FRMD6: variants seen among roughly 807,000 people sequenced by gnomAD.
The protein encoded by FRMD6 is FERM domain-containing protein 6.
In FRMD6, 37 loss-of-function variants were observed where a neutral mutation model predicts 73.2. That is an observed-to-expected ratio of 0.51 (90% CI 0.39 to 0.66). The LOEUF (loss-of-function observed/expected upper bound fraction) is 0.66, where lower values mean the gene tolerates loss of function less well. Ranked by LOEUF, FRMD6 falls within the 30% of genes least tolerant of loss-of-function variation. FRMD6 has a pLI of 0.00. For synonymous variants in FRMD6, 273 were observed against 282.2 expected, an observed-to-expected ratio of 0.97 and a Z score of 0.33; for missense variants, 714 against 780.5, an observed-to-expected ratio of 0.91 and a Z score of 1.02.
chr14:51,563,997 A>G (rs1020779429), intron 1 of FRMD6, among the ~76,000 whole-genome samples: 2 of 152,200 alleles, frequency 1.3e-5, no homozygotes, highest in Non-Finnish European at 2.9e-5. Context: ...TACCATTTCT[A>G]AAGTTTTTAT....
At chr14:51,612,248 G>C (rs1278602063) in intron 2 of FRMD6, among the ~76,000 whole-genome samples, 1 of 151,948 alleles carries the variant, frequency 6.6e-6, no homozygotes, top group East Asian at 1.9e-4. Flanking sequence ...TCTCCATTTA[G>C]TCAACTCTAG....
intron 2 of FRMD6, among the ~76,000 whole-genome samples, chr14:51,588,133 T>G (rs1384577877): frequency 6.6e-6 from 1 of 152,178 alleles, no homozygotes; most frequent in African/African-American, 2.4e-5. Context: ...TTAAGTAATA[T>G]AGACATTTAA....
intron 2 of FRMD6, among the ~76,000 whole-genome samples, chr14:51,624,777 A>AT (rs2139943311): frequency 6.6e-6 from 1 of 152,272 alleles, no homozygotes; most frequent in African/African-American, 2.4e-5. Flanking sequence ...CCAGCACCAA[A>AT]TTTTTTATGC....
In FRMD6 at chr14:51,710,983, G is replaced by A. The variant is rs566800521; in HGVS notation, c.715-548G>A. Among the ~76,000 whole-genome samples the A allele has an allele frequency of 6.6e-5, 10 of 152,152 alleles. No individual in the cohort carries two copies. The South Asian group carries it at 1.5e-3, about 22-fold the overall frequency. On this transcript the variant is annotated intron_variant, in intron 7 of 13. Coordinates refer to ENST00000344768, the MANE Select transcript of FRMD6 (RefSeq NM_001267046.2). ...TATTTCCAAACTATCTGAATACACC[G>A]CTTGTACAGCTTTATTATCCTCATG...
chr14:51,437,674 T>C, the FRMD6 span, among the ~76,000 whole-genome samples: 6 of 152,194 alleles, frequency 3.9e-5, no homozygotes, highest in South Asian at 2.1e-4. Flanking sequence ...CCCTTTTTTT[T>C]CCTCTTGTGC....
the FRMD6 span, among the ~76,000 whole-genome samples, chr14:51,470,150 T>C: frequency 3.3e-5 from 5 of 152,326 alleles, no homozygotes; most frequent in South Asian, 1.0e-3. Context: ...TCCTTAGTGA[T>C]TTGTGTTTCT....
chr14:51,683,937 G>A (rs1373368127), intron 1 of FRMD6, among the ~76,000 whole-genome samples: 1 of 152,156 alleles, frequency 6.6e-6, no homozygotes, highest in Non-Finnish European at 1.5e-5. Context: ...CCAGAGCAAT[G>A]GTTGGAAGGT....
chr14:51,698,071 T>C, intron 2 of FRMD6, 71 bp from the exon 3 acceptor site: 1 of 1,046,062 alleles, frequency 9.6e-7, no homozygotes, highest in Admixed American at 1.8e-5. Context: ...ATGCATTAAA[T>C]TGCCTGATTG....
intron 3 of FRMD6, among the ~76,000 whole-genome samples, chr14:51,700,701 A>G (rs1183974177): frequency 6.6e-6 from 1 of 152,036 alleles, no homozygotes; most frequent in Non-Finnish European, 1.5e-5. Flanking sequence ...TTTGAGCTGA[A>G]CAAAAGCATG....
the FRMD6 span, among the ~76,000 whole-genome samples, chr14:51,425,259 G>T: frequency 1.3e-5 from 2 of 152,102 alleles, no homozygotes; most frequent in African/African-American, 4.8e-5. Flanking sequence ...TCGTCCTTGA[G>T]CCCCTGAAGG....
At chr14:51,574,554 A>G (rs1281458292) in intron 2 of FRMD6, among the ~76,000 whole-genome samples, 2 of 152,204 alleles carry the variant, frequency 1.3e-5, no homozygotes, top group Non-Finnish European at 2.9e-5. Context: ...GTTACATAAA[A>G]CAAGCCAGGC....
At position 51,727,911 on chromosome 14, in the gene FRMD6, G is replaced by C. The variant is rs767219149; in HGVS notation, c.1751G>C (p.Cys584Ser). 5 of 1,614,170 alleles carry C rather than the reference G, an allele frequency of 3.1e-6. No homozygotes were observed. In the East Asian group the frequency reaches 6.7e-5, roughly 22 times the overall value. ...GHELDEEGLY[C>S]NSCLAQQCIN... Reference sequence around the variant, plus strand: ...GAACTGGATGAGGAAGGCCTCTATTGCAACAGTTGCTTGGCCCAGCAGTGC... The same window carrying C: ...GAACTGGATGAGGAAGGCCTCTATTCCAACAGTTGCTTGGCCCAGCAGTGC... The change falls in exon 14 of 14, where the codon TGC becomes TCC. Residue 584 changes from cysteine to serine, a missense_variant. Transcript: ENST00000344768.
intron 7 of FRMD6, among the ~76,000 whole-genome samples, chr14:51,711,302 T>G (rs1349483326): frequency 1.3e-5 from 2 of 152,204 alleles, no homozygotes; most frequent in African/African-American, 4.8e-5. Context: ...CTTTGAAATC[T>G]CAGGAATTTA....
intron 2 of FRMD6, 45 bp from the exon 3 acceptor site, chr14:51,698,097 A>T: frequency 7.1e-7 from 1 of 1,401,970 alleles, no homozygotes; most frequent in Non-Finnish European, 1.0e-6. Flanking sequence ...CCCTGGGTGG[A>T]CTTAGTTGAA....
intron 7 of FRMD6, among the ~76,000 whole-genome samples, chr14:51,708,937 C>G (rs1171088722): frequency 2.0e-5 from 3 of 152,106 alleles, no homozygotes; most frequent in African/African-American, 7.2e-5. Context: ...CCGTGTATCT[C>G]TAGCCTCGTT....
At chr14:51,681,494 T>C (rs574151352) in intron 1 of FRMD6, among the ~76,000 whole-genome samples, 10 of 152,176 alleles carry the variant, frequency 6.6e-5, no homozygotes, top group African/African-American at 1.4e-4. Flanking sequence ...GTGAGCAAAA[T>C]TGATCAAAGA....
chr14:51,409,163 G>A, the FRMD6 span, among the ~76,000 whole-genome samples: 1 of 151,948 alleles, frequency 6.6e-6, no homozygotes, highest in Non-Finnish European at 1.5e-5. Flanking sequence ...ATTCATGGGG[G>A]TCTCCTATTA....
chr14:51,509,222 C>T (rs1884146386), intron 1 of FRMD6, among the ~76,000 whole-genome samples: 1 of 152,150 alleles, frequency 6.6e-6, no homozygotes, highest in Non-Finnish European at 1.5e-5. Context: ...AATGACAAAT[C>T]CTAAATGAAA....
chr14:51,445,348 A>C, the FRMD6 span, among the ~76,000 whole-genome samples: 1 of 152,134 alleles, frequency 6.6e-6, no homozygotes, highest in Non-Finnish European at 1.5e-5. Context: ...ATGTCATCAA[A>C]GCCAGTGGTT....
Sources: gnomAD v4.1 joint callset for allele counts (sites outside exome capture counted in the v4.1 genomes callset) on GRCh38, gnomAD v4.1.1 for gene constraint, MANE v1.5 for transcripts, NCBI Gene and HGNC (gene_info 2026-07-23, HGNC 2026-07-21) for gene names.